Variants in AMOTL2 observed in about 807,000 individuals in gnomAD.
AMOTL2 encodes angiomotin like 2, also known as angiomotin-like protein 2.
AMOTL2 carries 33 observed loss-of-function variants against 78.4 expected under a neutral mutation model. That is an observed-to-expected ratio of 0.42 (90% CI 0.32 to 0.56). The LOEUF is 0.56. AMOTL2 is among the 20% of genes least tolerant of loss of function. The pLI is 0.12. For missense variants in AMOTL2, 983 were observed against 1,030.1 expected (o/e 0.95, Z 0.63); for synonymous variants, 422 against 428.8 (o/e 0.98, Z 0.20).
chr3:134,364,004 T>G (rs1269011741), intron 5 of AMOTL2, among the ~76,000 whole-genome samples: 2 of 151,796 alleles, frequency 1.3e-5, no homozygotes, highest in African/African-American at 4.8e-5. Flanking sequence ...TAGTAAGAAA[T>G]AAGTGGTCTG....
chr3:134,367,608 G>T lies in AMOTL2; in HGVS notation c.930C>A (p.His310Gln). Residue 310 changes from histidine to glutamine, a missense_variant, in exon 3 of 10, where the codon CAC becomes CAA. By Grantham distance (24) the His-to-Gln change is conservative. Transcript: ENST00000249883. ...QASSATSGSA[H>Q]LAQMEAVLRE... is the part of the protein sequence containing the mutation. ...TCAGCACGGCCTCCATCTGGGCCAGGTGGGCACTGCCCGAGGTGGCTGAGG... is the reference window on the plus strand; with the variant it reads ...TCAGCACGGCCTCCATCTGGGCCAGTTGGGCACTGCCCGAGGTGGCTGAGG... 1 of 1,613,546 alleles carries T rather than the reference G, an allele frequency of 6.2e-7. No homozygotes were observed. Among genetic ancestry groups the T allele is most frequent in the South Asian group, 1.1e-5 (1 of 91,054 alleles).
chr3:134,370,649 C>A, intron 2 of AMOTL2, 51 bp downstream of exon 2: 1 of 1,495,364 alleles, frequency 6.7e-7, no homozygotes, highest in East Asian at 2.3e-5. Context: ...CCTGAGAGAC[C>A]TGTGCTGGAA....
intron 7 of AMOTL2, 100 bp from the exon 8 acceptor site, chr3:134,359,603 T>G: frequency 2.2e-6 from 2 of 927,696 alleles, no homozygotes; most frequent in Non-Finnish European, 3.3e-6. Flanking sequence ...CCCCCCCAAC[T>G]CCCCCAACCC....
At chr3:134,360,024 T>C in intron 7 of AMOTL2, 82 bp downstream of exon 7, 1 of 1,442,388 alleles carries the variant, frequency 6.9e-7, no homozygotes, top group Non-Finnish European at 9.4e-7. Context: ...GGGGCCTGTT[T>C]ATCAGGGATC....
upstream of AMOTL2, chr3:134,374,863 C>A: frequency 8.1e-7 from 1 of 1,230,470 alleles, no homozygotes; most frequent in Non-Finnish European, 1.0e-6. Flanking sequence ...AGGGCTGTAC[C>A]ACGCGTGTCC....
chr3:134,361,424 C>T (rs1431304550), intron 6 of AMOTL2, 88 bp downstream of exon 6: 4 of 1,438,032 alleles, frequency 2.8e-6, no homozygotes, highest in Non-Finnish European at 2.8e-6. Flanking sequence ...GGGGCCTCAG[C>T]CCTGGCCTCC....
intron 5 of AMOTL2, among the ~76,000 whole-genome samples, chr3:134,363,615 A>AG (rs2017469574): frequency 6.6e-6 from 1 of 152,224 alleles, no homozygotes; most frequent in Non-Finnish European, 1.5e-5. Flanking sequence ...CCAGATCCCC[A>AG]GGGGGCACTG....
rs1194847108 is a variant in AMOTL2 at position 134,374,425 on chromosome 3, C to G, written c.-145G>C. The G allele has an allele frequency of 2.0e-6, 2 of 985,424 alleles. No individual in the cohort carries two copies. Among genetic ancestry groups the G allele is most frequent in the Admixed American group, 1.2e-4 (2 of 16,278 alleles). The allele number at this position is 985,424 out of a possible 1,614,324, so 61.0% of individuals were successfully genotyped here. On this transcript the variant is annotated 5_prime_UTR_variant, in exon 1 of 10. Transcript: ENST00000249883. Reference sequence around the variant, plus strand: ...CTCAGCTCGGCGGCGAAGATGTGTTCTCGGCCGTGGCGCCGACGCTCTGGC... The same window carrying G: ...CTCAGCTCGGCGGCGAAGATGTGTTGTCGGCCGTGGCGCCGACGCTCTGGC...
At chr3:134,370,508 A>C (rs917800069) in intron 2 of AMOTL2, among the ~76,000 whole-genome samples, 192 bp downstream of exon 2, 1 of 152,194 alleles carries the variant, frequency 6.6e-6, no homozygotes, top group Non-Finnish European at 1.5e-5. Flanking sequence ...AAGGCAAGGG[A>C]CACCACTAAC....
At position 134,357,039 on chromosome 3, in the gene AMOTL2, TG is replaced by T. The variant is rs2017112084; in HGVS notation, c.*665del. 6.5e-6 allele frequency: 1 copy of T among 152,940 alleles called. No homozygotes were observed. Among genetic ancestry groups the T allele is most frequent in the African/African-American group, 2.4e-5 (1 of 41,446 alleles). 9.5% of individuals were successfully genotyped at this position (152,940 alleles called of 1,614,324 possible). A position where few individuals can be genotyped will look rare whatever the true frequency, so the allele number is the denominator to read the frequency against. On this transcript the variant is annotated 3_prime_UTR_variant, in exon 10 of 10. Transcript: ENST00000249883. ...TCGGAACCTGCAGGCCTCAGTCTTC[TG>T]TTCCACAAGAAAGGGAATTATATAC...
rs932573320 is a variant in AMOTL2, at chr3:134,357,016, G to A, written c.*689C>T. ...GGAGCACAGCCCATGGAGACACATC[G>A]GAACCTGCAGGCCTCAGTCTTCTGT... On this transcript the variant is annotated 3_prime_UTR_variant, in exon 10 of 10. Transcript: ENST00000249883. 4.6e-5 allele frequency: 7 copies of A among 152,668 alleles called. No homozygotes were observed. Among genetic ancestry groups the A allele is most frequent in the Admixed American group, 3.9e-4 (6 of 15,278 alleles). The allele number at this position is 152,668 out of a possible 1,614,324, so 9.5% of individuals were successfully genotyped here.
intron 1 of AMOTL2, among the ~76,000 whole-genome samples, chr3:134,373,256 T>G (rs1444801049): frequency 2.6e-5 from 4 of 151,342 alleles, no homozygotes; most frequent in Non-Finnish European, 5.9e-5. Context: ...CGCCCTGGAG[T>G]TTTATCTGCG....
At chr3:134,366,007 T>C (rs573578433) in intron 4 of AMOTL2, 98 bp from the exon 5 acceptor site, 61 of 1,315,656 alleles carry the variant, frequency 4.6e-5, no homozygotes, top group East Asian at 2.3e-4. Flanking sequence ...ATCCTCCATA[T>C]TGGGGATGGG....
At chr3:134,362,290 C>T (rs1054879643) in intron 5 of AMOTL2, among the ~76,000 whole-genome samples, 2 of 152,214 alleles carry the variant, frequency 1.3e-5, no homozygotes, top group Middle Eastern at 3.2e-3. Flanking sequence ...CGGCTGTCGG[C>T]ACACCAGGCC....
intron 6 of AMOTL2, among the ~76,000 whole-genome samples, chr3:134,361,250 C>T (rs951404937): frequency 6.6e-6 from 1 of 152,202 alleles, no homozygotes; most frequent in Non-Finnish European, 1.5e-5. Flanking sequence ...ACTAGCCCTG[C>T]TGCTGCCGAG....
In AMOTL2 at chr3:134,361,687, C is replaced by T. The variant is rs762004210; in HGVS notation, c.1400G>A (p.Gly467Asp). The change falls in exon 6 of 10, where the codon GGC (glycine) becomes GAC (aspartate). Residue 467 changes from glycine (G) to aspartate (D), a missense_variant. Physicochemically the swap from Gly to Asp is moderately conservative, Grantham distance 94. Transcript: ENST00000249883. ...CTCCTCTTCGGCTCGAGCTGCCCGGCCCTGCGCATTGCCCAGAGCCTGCTC... is the reference window on the plus strand; with the variant it reads ...CTCCTCTTCGGCTCGAGCTGCCCGGTCCTGCGCATTGCCCAGAGCCTGCTC... ...LLEQALGNAQGRAARAEEELR... is the reference protein window; with the variant it reads ...LLEQALGNAQDRAARAEEELR... 2 of 1,611,278 alleles carry T rather than the reference C, an allele frequency of 1.2e-6. No homozygotes were observed. Among genetic ancestry groups the T allele is most frequent in the Non-Finnish European group, 1.7e-6 (2 of 1,179,822 alleles).
upstream of AMOTL2, chr3:134,375,320 C>A: frequency 1.5e-6 from 2 of 1,306,764 alleles, no homozygotes; most frequent in South Asian, 2.5e-5. Flanking sequence ...CCCTGCCAAG[C>A]ACCCTCCAAC....
chr3:134,359,826 G>A (rs908998151), intron 7 of AMOTL2, among the ~76,000 whole-genome samples: 1 of 152,216 alleles, frequency 6.6e-6, no homozygotes, highest in African/African-American at 2.4e-5. Context: ...TCATCCTGGA[G>A]GGCGGCACTC....
rs202200117 is a variant in AMOTL2 at position 134,366,284 on chromosome 3, T to G, written c.1185A>C (p.Arg395Ser). Residue 395 changes from arginine to serine, a missense_variant and splice_region_variant, in exon 4 of 10, where the codon AGA becomes AGC. Physicochemically the swap from Arg to Ser is moderately radical, Grantham distance 110 (BLOSUM62 -1). Coordinates refer to ENST00000249883, the MANE Select transcript of AMOTL2 (RefSeq NM_016201.4). ...TCCACCTGTGTGACTGGCTCTCACC[T>G]CTAAGATCCCGGTTGAAGTCTTGCA... ...RRLQDFNRDL[R>S]ERLESANRRL... 3.0e-4 allele frequency: 486 copies of G among 1,614,102 alleles called. No homozygotes were observed. Among genetic ancestry groups the G allele is most frequent in the Non-Finnish European group, 3.8e-4 (443 of 1,180,000 alleles).
Sources: allele counts gnomAD v4.1 joint callset (sites outside exome capture counted in the v4.1 genomes callset), GRCh38; gene constraint gnomAD v4.1.1; transcripts MANE v1.5; gene names NCBI Gene and HGNC (gene_info 2026-07-23, HGNC 2026-07-21).